The following DENND2A variants were observed in gnomAD, a reference collection of about 807,000 sequenced individuals.
DENND2A encodes DENN domain containing 2A, also known as DENN domain-containing protein 2A.
DENND2A carries 53 observed loss-of-function variants against 105.3 expected under a neutral mutation model. The observed-to-expected ratio is 0.50, with a 90% CI of 0.40 to 0.63. DENND2A has a LOEUF of 0.63. Among genes scored for constraint, DENND2A ranks in the 30% least tolerant of loss-of-function variants. The pLI is 0.00. For missense variants in DENND2A, 1,138 were observed against 1,279.6 expected, an observed-to-expected ratio of 0.89 and a Z score of 1.69; for synonymous variants, 522 against 508.4, an observed-to-expected ratio of 1.03 and a Z score of -0.36.
chr7:140,558,030 T>C (rs1434210952), intron 11 of DENND2A, 113 bp downstream of exon 11: 3 of 790,572 alleles, frequency 3.8e-6, no homozygotes, highest in Non-Finnish European at 6.2e-6. Flanking sequence ...CTTCTCCTCC[T>C]GTGCCTCATC....
At position 140,523,458 on chromosome 7, in the gene DENND2A, C is replaced by T. The variant is rs772405732; in HGVS notation, c.2548-34G>A. 1 of 1,598,414 alleles carries T rather than the reference C, an allele frequency of 6.3e-7. No individual in the cohort carries two copies. The highest frequency in any genetic ancestry group is 8.6e-7 in the Non-Finnish European group (1 of 1,166,666). ...CAGAGGTAGCAGGTGGGCTTATGGG[C>T]ACGGTGGCTGCGTCTTGGCCATAGG... On this transcript the variant is annotated intron_variant, in intron 16 of 19. Coordinates refer to ENST00000496613, the MANE Select transcript of DENND2A (RefSeq NM_015689.5). The surrounding 1 kb of genome is among the most constrained non-coding windows in gnomAD (Gnocchi z 4.5).
At chr7:140,557,563 G>A (rs1408029229) in intron 11 of DENND2A, among the ~76,000 whole-genome samples, 2 of 55,500 alleles carry the variant, frequency 3.6e-5, no homozygotes, top group African/African-American at 1.0e-4. Context: ...TTTTTGAGAC[G>A]GAGTTTCGCT....
At position 140,523,617 on chromosome 7, in the gene DENND2A, G is replaced by A. The variant is rs906500172; in HGVS notation, c.2548-193C>T. On this transcript the variant is annotated intron_variant, in intron 16 of 19. Coordinates refer to ENST00000496613, the MANE Select transcript of DENND2A (RefSeq NM_015689.5). This position sits in a 1 kb window ranked among gnomAD's most constrained non-coding sequence, Gnocchi z 4.5. ...TTTGAGACAGAGTTTCACTCTTGTC[G>A]CATAGTCTGGAGTGCAATGCCATGA... is the stretch of plus-strand genomic sequence containing the variant. Among the ~76,000 whole-genome samples, 8 of 152,072 alleles carry A rather than the reference G, an allele frequency of 5.3e-5. 1 individual carries two copies. The highest frequency in any genetic ancestry group is 4.2e-4 in the South Asian group (2 of 4,816).
chr7:140,601,443 T>C lies in DENND2A; in HGVS notation c.955A>G (p.Arg319Gly). 1 of 1,612,364 alleles carries C rather than the reference T, an allele frequency of 6.2e-7. No homozygotes were observed. The highest frequency in any genetic ancestry group is 8.5e-7 in the Non-Finnish European group (1 of 1,179,388). Residue 319 changes from arginine to glycine, a missense_variant, in exon 3 of 20, where the codon AGA (arginine) becomes GGA (glycine). Physicochemically the swap from Arg to Gly is moderately radical, Grantham distance 125 (BLOSUM62 -2). Transcript: ENST00000496613. ...GATTTCTGTCTCCCGGTCCACAGTC[T>C]TCTGTTCACAGAGGAAGGTGGGGGA... ...SSPPPSSVNR[R>G]LWTGRQKSSA...
At position 140,546,793 on chromosome 7, in the gene DENND2A, A is replaced by G; in HGVS notation, c.2178+6T>C. On this transcript the variant is annotated splice_donor_region_variant and intron_variant, in intron 13 of 19. Transcript: ENST00000496613. ...CCAGGGAGAAGGAAGGAGTCTGACA[A>G]CTCACCTCAGTTCCTGAACCTGGCA... 3 of 1,613,896 alleles carry G rather than the reference A, an allele frequency of 1.9e-6. No individual in the cohort carries two copies. The East Asian group carries it at 6.7e-5, about 36-fold the overall frequency.
chr7:140,525,816 T>G (rs1330719834), intron 15 of DENND2A, 24 bp from the exon 16 acceptor site: 8 of 1,586,554 alleles, frequency 5.0e-6, no homozygotes, highest in South Asian at 1.2e-5. Flanking sequence ...CGAAAGGGAC[T>G]GTTACTGTCA....
In DENND2A at chr7:140,628,995, T is replaced by C. The variant is rs534653338; in HGVS notation, c.-248+11509A>G. On this transcript the variant is annotated intron_variant, in intron 1 of 19. Coordinates refer to ENST00000496613, the MANE Select transcript of DENND2A (RefSeq NM_015689.5). Reference sequence around the variant, plus strand: ...CTGCCCTCAAGCTAGAGATAAAAGATATAAACCCTATCAACCAAATGGCAA... The same window carrying C: ...CTGCCCTCAAGCTAGAGATAAAAGACATAAACCCTATCAACCAAATGGCAA... 6.6e-5 allele frequency among the ~76,000 whole-genome samples: 10 copies of C among 152,280 alleles called. No individual in the cohort carries two copies. In the East Asian group the frequency reaches 1.7e-3, roughly 26 times the overall value.
At chr7:140,551,528 C>T (rs1230440979) in intron 12 of DENND2A, among the ~76,000 whole-genome samples, 13 of 152,022 alleles carry the variant, frequency 8.6e-5, no homozygotes, top group Admixed American at 2.0e-4. Flanking sequence ...ACCAGGCCTG[C>T]GCCCAGACTT....
In DENND2A at chr7:140,558,199, A is replaced by C; in HGVS notation, c.1903T>G (p.Phe635Val). 1 of 1,613,342 alleles carries C rather than the reference A, an allele frequency of 6.2e-7. No homozygotes were observed. The highest frequency in any genetic ancestry group is 1.1e-5 in the South Asian group (1 of 91,066). Residue 635 changes from phenylalanine to valine, a missense_variant, in exon 11 of 20, where the codon TTT becomes GTT. Transcript: ENST00000496613. ...CTCCCATCTTCTCCAGTTAAGACAAATGAGAATGTTTCACTGTGGTTGGGA... is the reference window on the plus strand; with the variant it reads ...CTCCCATCTTCTCCAGTTAAGACAACTGAGAATGTTTCACTGTGGTTGGGA... ...VQQFTSETFS[F>V]VLTGEDGSRR...
At chr7:140,606,775 G>A (rs568786891) in intron 1 of DENND2A, among the ~76,000 whole-genome samples, 1 of 152,318 alleles carries the variant, frequency 6.6e-6, no homozygotes, top group East Asian at 1.9e-4. Flanking sequence ...AGCAAGGCCT[G>A]TGTGGATACC....
intron 1 of DENND2A, among the ~76,000 whole-genome samples, chr7:140,610,973 C>A (rs1162236696): frequency 6.6e-6 from 1 of 152,232 alleles, no homozygotes; most frequent in Non-Finnish European, 1.5e-5. Flanking sequence ...GGGCTAGGAG[C>A]CCAGCAAGAC....
At chr7:140,622,413 T>C (rs1800327966) in intron 1 of DENND2A, among the ~76,000 whole-genome samples, 1 of 151,996 alleles carries the variant, frequency 6.6e-6, no homozygotes, top group Admixed American at 6.6e-5. Context: ...AAAAAATTAA[T>C]TTTGAAATAA....
intron 6 of DENND2A, among the ~76,000 whole-genome samples, chr7:140,570,946 C>T (rs1384799710): frequency 6.6e-6 from 1 of 152,192 alleles, no homozygotes; most frequent in Non-Finnish European, 1.5e-5. Flanking sequence ...TGCTGGGTCC[C>T]CCAGGGCTTG....
At chr7:140,561,681 TTTTTTG>T (rs1797622376) in intron 9 of DENND2A, among the ~76,000 whole-genome samples, 6 of 65,712 alleles carry the variant, frequency 9.1e-5, no homozygotes, top group African/African-American at 1.8e-4. Context: ...TTTTTTTTTT[TTTTTTG>T]TATTTTCAGT....
chr7:140,566,232 A>T (rs1329877409), intron 9 of DENND2A, among the ~76,000 whole-genome samples: 1 of 152,116 alleles, frequency 6.6e-6, no homozygotes, highest in Non-Finnish European at 1.5e-5. Context: ...GGGTTTTGCC[A>T]TGTTGGCCAG....
chr7:140,602,089 T>A lies in DENND2A; in HGVS notation c.309A>T (p.Thr103=). 1 of 1,614,176 alleles carries A rather than the reference T, an allele frequency of 6.2e-7. No homozygotes were observed. The change falls in exon 3 of 20, where the codon ACA becomes ACT. Residue 103 remains threonine, a synonymous_variant. Coordinates refer to ENST00000496613, the MANE Select transcript of DENND2A (RefSeq NM_015689.5). The part of the protein sequence containing the change: ...TEAKNGMRPG[T]ESTEKERNKG... Reference sequence around the variant, plus strand: ...TATTCCTCTCCTTCTCTGTGCTCTCTGTTCCTGGCCTCATTCCATTCTTAG... The same window carrying A: ...TATTCCTCTCCTTCTCTGTGCTCTCAGTTCCTGGCCTCATTCCATTCTTAG...
At chr7:140,603,007 A>G (rs180832662) in intron 2 of DENND2A, among the ~76,000 whole-genome samples, 1 of 148,968 alleles carries the variant, frequency 6.7e-6, no homozygotes, top group East Asian at 2.0e-4. Flanking sequence ...AATATGGGCC[A>G]GGCATTGTGG....
intron 9 of DENND2A, among the ~76,000 whole-genome samples, chr7:140,562,480 T>C (rs192616901): frequency 0.028 from 4,187 of 151,822 alleles, 195 homozygotes; most frequent in African/African-American, 0.093. Context: ...GCTAACATGG[T>C]GAAACCCCGT....
chr7:140,559,649 C>A lies in DENND2A; in HGVS notation c.1889+59G>T. The A allele has an allele frequency of 5.4e-6, 7 of 1,291,248 alleles. No individual in the cohort carries two copies. The South Asian group carries it at 8.5e-5, about 16-fold the overall frequency. 80.0% of individuals were successfully genotyped at this position (1,291,248 alleles called of 1,614,324 possible). Reference sequence around the variant, plus strand: ...ACTCATGTGGTCTGCCACCTGTAACCCCGTCTCTAAGTCTCGCCTTAGTCT... The same window carrying A: ...ACTCATGTGGTCTGCCACCTGTAACACCGTCTCTAAGTCTCGCCTTAGTCT... On this transcript the variant is annotated intron_variant, in intron 10 of 19. Coordinates refer to ENST00000496613, the MANE Select transcript of DENND2A (RefSeq NM_015689.5). This position sits in a 1 kb window ranked among gnomAD's most constrained non-coding sequence, Gnocchi z 4.1.
Sources: gnomAD v4.1 joint callset for allele counts (sites outside exome capture counted in the v4.1 genomes callset) on GRCh38, gnomAD v4.1.1 for gene constraint, Gnocchi (gnomAD v3.1) non-coding constraint, MANE v1.5 for transcripts, NCBI Gene and HGNC (gene_info 2026-07-23, HGNC 2026-07-21) for gene names.